HTR3E: variants seen among roughly 807,000 people sequenced by gnomAD.
HTR3E encodes the protein 5-hydroxytryptamine receptor 3E, also known as 5-hydroxytryptamine (serotonin) receptor 3, family member E.
Under a neutral mutation model 38.0 loss-of-function variants are expected in HTR3E, and 38 were observed. The ratio of observed to expected loss-of-function variants is 1.00; its 90% CI spans 0.77 to 1.31. The LOEUF is 1.31. Ranked by LOEUF, HTR3E falls within the 50% of genes most tolerant of loss-of-function variation. The pLI, the probability that HTR3E is intolerant of heterozygous loss-of-function variation, is 0.00. For synonymous variants in HTR3E, 210 were observed against 232.9 expected (o/e 0.90, Z 0.89); for missense variants, 547 against 585.2 (o/e 0.93, Z 0.67).
In HTR3E at chr3:184,105,902, G is replaced by T. The variant is rs199768289; in HGVS notation, c.858G>T (p.Leu286=). ...GTGTCCCATTCAAGATAACGCTCCT[G>T]CTGGGCTACAACGTCTTCCTGCTCA... The part of the protein sequence containing the change: ...GNRVPFKITL[L]LGYNVFLLMM... Residue 286 remains leucine (L), a synonymous_variant, in exon 7 of 9, where the codon CTG becomes CTT. Transcript: ENST00000415389. The T allele has an allele frequency of 2.9e-5, 47 of 1,614,170 alleles. No homozygotes were observed. In the Middle Eastern group the frequency reaches 9.9e-4, roughly 34 times the overall value.
chr3:184,097,543 G>C lies in HTR3E; in HGVS notation c.14G>C (p.Trp5Ser), dbSNP rs1711728435. Residue 5 changes from tryptophan to serine, a missense_variant, in exon 1 of 9, where the codon TGG becomes TCG. Physicochemically the swap from Trp to Ser is radical, Grantham distance 177. Coordinates refer to ENST00000415389, the MANE Select transcript of HTR3E (RefSeq NM_001256613.2). The stretch of plus-strand genomic sequence containing the variant: ...TAGACAAAGAAGATGGAAGGAAGCT[G>C]GTTCCACAGGAAAAGATTTTCCTTC... MEGS[W>S]FHRKRFSFYL... The C allele has an allele frequency of 6.5e-7, 1 of 1,535,846 alleles. No homozygotes were observed. The highest frequency in any genetic ancestry group is 1.4e-5 in the African/African-American group (1 of 73,138).
intron 6 of HTR3E, 108 bp from the exon 7 acceptor site, chr3:184,105,656 TG>T: frequency 9.8e-7 from 1 of 1,020,004 alleles, no homozygotes; most frequent in Non-Finnish European, 1.5e-6. Context: ...GATCCCAGGG[TG>T]ATATCAGGCC....
At position 184,105,802 on chromosome 3, in the gene HTR3E, A is replaced by T. The variant is rs572362103; in HGVS notation, c.758A>T (p.Asn253Ile). Residue 253 changes from asparagine to isoleucine, a missense_variant, in exon 7 of 9, where the codon AAC becomes ATC. Physicochemically the swap from Asn to Ile is moderately radical, Grantham distance 149. Coordinates refer to ENST00000415389, the MANE Select transcript of HTR3E (RefSeq NM_001256613.2). Reference sequence around the variant, plus strand: ...CGCAGGCCCAGTCTCTATGTCATAAACCTTCTCGTGCCCAGTGGCTTTCTG... The same window carrying T: ...CGCAGGCCCAGTCTCTATGTCATAATCCTTCTCGTGCCCAGTGGCTTTCTG... ...IRRRPSLYVI[N>I]LLVPSGFLVA... 5.6e-6 allele frequency: 9 copies of T among 1,614,032 alleles called. No homozygotes were observed. The highest frequency in any genetic ancestry group is 4.0e-5 in the African/African-American group (3 of 74,984).
rs1712249229 is a variant in HTR3E at position 184,104,063 on chromosome 3, T to C, written c.280-119T>C. On this transcript the variant is annotated intron_variant, in intron 3 of 8. Transcript: ENST00000415389. ...GCCACAAAGTTGGGTTGTAAATACA[T>C]AGATGTTTGTCACAGCATTTTATAT... 1.8e-5 allele frequency: 11 copies of C among 625,360 alleles called. No homozygotes were observed. The South Asian group carries it at 3.1e-4, about 17-fold the overall frequency. 38.7% of individuals were successfully genotyped at this position (625,360 alleles called of 1,614,324 possible). A position where few individuals can be genotyped will look rare whatever the true frequency, so the allele number is the denominator to read the frequency against.
At chr3:184,104,716 CA>C (rs66667882) in intron 4 of HTR3E, 70 bp from the exon 5 acceptor site, 66,854 of 823,304 alleles carry the variant, frequency 0.081, 26 homozygotes, top group African/African-American at 0.12. Context: ...GATCCTGTCT[CA>C]AAAAAAAAAA....
chr3:184,104,806 C>T lies in HTR3E; in HGVS notation c.409C>T (p.Pro137Ser). 6.2e-7 allele frequency: 1 copy of T among 1,613,404 alleles called. No individual in the cohort carries two copies. ...IIELMDVDKTPKGLTAYVSNE... is the reference protein window; with the variant it reads ...IIELMDVDKTSKGLTAYVSNE... ...CTCCAGCATGGATGTGGATAAGACC[C>T]CAAAAGGCCTCACAGCATATGTAAG... The change falls in exon 5 of 9, where the codon CCA becomes TCA. Residue 137 changes from proline (P) to serine (S), a missense_variant. Pro to Ser is a moderately conservative substitution (Grantham distance 74). Transcript: ENST00000415389.
At chr3:184,101,744 C>G (rs995683797) in intron 3 of HTR3E, among the ~76,000 whole-genome samples, 3 of 152,156 alleles carry the variant, frequency 2.0e-5, no homozygotes, top group African/African-American at 7.2e-5. Flanking sequence ...AATCCCAATA[C>G]TTTGGGAGGC....
chr3:184,098,876 T>A (rs1209033638), intron 1 of HTR3E, among the ~76,000 whole-genome samples: 1 of 151,760 alleles, frequency 6.6e-6, no homozygotes, highest in Non-Finnish European at 1.5e-5. Flanking sequence ...AAACCCCATC[T>A]CTACTAAAAA....
At position 184,100,609 on chromosome 3, in the gene HTR3E, C is replaced by A; in HGVS notation, c.192C>A (p.Thr64=). The change falls in exon 2 of 9, where the codon ACC becomes ACA. Residue 64 remains threonine (T), a synonymous_variant. Coordinates refer to ENST00000415389, the MANE Select transcript of HTR3E (RefSeq NM_001256613.2). ...FRPVTNISVP[T]QVNISFAMSA... is the part of the protein sequence containing the mutation. ...CGGTCACCAACATCAGCGTCCCCAC[C>A]CAAGTCAACATCTCCTTCGCGATGT... is the stretch of plus-strand genomic sequence containing the variant. 1 of 1,614,050 alleles carries A rather than the reference C, an allele frequency of 6.2e-7. No individual in the cohort carries two copies. Among genetic ancestry groups the A allele is most frequent in the Non-Finnish European group, 8.5e-7 (1 of 1,179,952 alleles).
chr3:184,104,112 T>G, intron 3 of HTR3E, 70 bp from the exon 4 acceptor site: 1 of 1,119,712 alleles, frequency 8.9e-7, no homozygotes, highest in South Asian at 2.1e-5. Flanking sequence ...CTTGAAGTAT[T>G]TCATAACTTT....
At chr3:184,098,591 T>G (rs1001747379) in intron 1 of HTR3E, among the ~76,000 whole-genome samples, 19 of 114,688 alleles carry the variant, frequency 1.7e-4, no homozygotes, top group Non-Finnish European at 2.9e-4. Flanking sequence ...TCACTGTTCT[T>G]AGAGTGGTTT....
rs1251347713 is a variant in HTR3E at position 184,097,303 on chromosome 3, T to C, written c.-227T>C. On this transcript the variant is annotated 5_prime_UTR_variant, in exon 1 of 9. Coordinates refer to ENST00000415389, the MANE Select transcript of HTR3E (RefSeq NM_001256613.2). ...TATGAACTATCTATAACCATTTACGTTGCAGTGAAATACCTAAGACTAAGA... is the reference window on the plus strand; with the variant it reads ...TATGAACTATCTATAACCATTTACGCTGCAGTGAAATACCTAAGACTAAGA... The C allele has an allele frequency of 5.9e-6, 3 of 507,742 alleles. No homozygotes were observed. Among genetic ancestry groups the C allele is most frequent in the Non-Finnish European group, 1.1e-5 (3 of 282,792 alleles). 31.5% of individuals were successfully genotyped at this position (507,742 alleles called of 1,614,324 possible). A position where few individuals can be genotyped will look rare whatever the true frequency, so the allele number is the denominator to read the frequency against.
chr3:184,103,078 A>C (rs1299726755), intron 3 of HTR3E, among the ~76,000 whole-genome samples: 2 of 152,244 alleles, frequency 1.3e-5, no homozygotes, highest in African/African-American at 2.4e-5. Flanking sequence ...GAATGTAGTC[A>C]AAGCATAACC....
At chr3:184,101,179 A>T (rs929619594) in intron 2 of HTR3E, among the ~76,000 whole-genome samples, 8 of 152,176 alleles carry the variant, frequency 5.3e-5, no homozygotes, top group Non-Finnish European at 1.0e-4. Context: ...CCTGACCTCA[A>T]GTGATCTGCC....
intron 3 of HTR3E, among the ~76,000 whole-genome samples, chr3:184,102,865 C>T (rs1022766759): frequency 6.6e-6 from 1 of 151,106 alleles, no homozygotes; most frequent in African/African-American, 2.4e-5. Flanking sequence ...ACAGAGGTTG[C>T]AGTTGGCCGA....
intron 3 of HTR3E, among the ~76,000 whole-genome samples, chr3:184,101,792 C>T (rs566151355): frequency 6.6e-6 from 1 of 152,062 alleles, no homozygotes; most frequent in Non-Finnish European, 1.5e-5. Context: ...GGGTTTGAGA[C>T]CAACCTGGCC....
chr3:184,100,107 T>C (rs1711927818), intron 1 of HTR3E: 23 of 1,274,652 alleles, frequency 1.8e-5, no homozygotes, highest in Non-Finnish European at 2.3e-5. Flanking sequence ...CCCCTCTCGG[T>C]GATCCCCTCC....
chr3:184,105,780 A>C lies in HTR3E; in HGVS notation c.736A>C (p.Arg246=), dbSNP rs777333084. The C allele has an allele frequency of 5.0e-6, 8 of 1,613,894 alleles. No individual in the cohort carries two copies. The highest frequency in any genetic ancestry group is 5.9e-6 in the Non-Finnish European group (7 of 1,179,900). Residue 246 remains arginine, a synonymous_variant, in exon 7 of 9, where the codon AGG becomes CGG. Coordinates refer to ENST00000415389, the MANE Select transcript of HTR3E (RefSeq NM_001256613.2). ...ACCCCACCAGGTGGCCATCAGGCGC[A>C]GGCCCAGTCTCTATGTCATAAACCT... The part of the protein sequence containing the change: ...QIVFYVAIRR[R]PSLYVINLLV...
Position 184,097,483 on chromosome 3 carries a change from A to G in HTR3E, c.-47A>G, listed in dbSNP as rs1041376807. 5 of 1,419,544 alleles carry G rather than the reference A, an allele frequency of 3.5e-6. No homozygotes were observed. Among genetic ancestry groups the G allele is most frequent in the Non-Finnish European group, 4.8e-6 (5 of 1,041,088 alleles). The allele number at this position is 1,419,544 out of a possible 1,614,324, so 87.9% of individuals were successfully genotyped here. ...TGGCCTGTGCTGCTTTAATCTGGGC[A>G]TTCCTGGGTCCCAGTACATGTTCAG... On this transcript the variant is annotated 5_prime_UTR_variant, in exon 1 of 9. Coordinates refer to ENST00000415389, the MANE Select transcript of HTR3E (RefSeq NM_001256613.2).
Sources: gnomAD v4.1 joint callset for allele counts (sites outside exome capture counted in the v4.1 genomes callset) on GRCh38, gnomAD v4.1.1 for gene constraint, MANE v1.5 for transcripts, NCBI Gene and HGNC (gene_info 2026-07-23, HGNC 2026-07-21) for gene names.